SLC13A3: variants seen among roughly 807,000 people sequenced by gnomAD.
SLC13A3 encodes Na(+)/dicarboxylate cotransporter 3.
SLC13A3 carries 40 observed loss-of-function variants against 59.0 expected under a neutral mutation model. That is an observed-to-expected ratio of 0.68 (90% CI 0.53 to 0.88). The LOEUF is 0.88. Ranked by LOEUF, SLC13A3 falls within the 40% of genes least tolerant of loss-of-function variation. The pLI, the probability that SLC13A3 is intolerant of heterozygous loss-of-function variation, is 0.00. For missense variants in SLC13A3, 699 were observed against 783.2 expected, an observed-to-expected ratio of 0.89 and a Z score of 1.28; for synonymous variants, 317 against 330.3, an observed-to-expected ratio of 0.96 and a Z score of 0.44.
At chr20:46,589,301 C>A (rs1157856249) in intron 6 of SLC13A3, 46 bp from the exon 7 acceptor site, 3 of 1,535,220 alleles carry the variant, frequency 2.0e-6, no homozygotes, top group Non-Finnish European at 2.7e-6. Flanking sequence ...GCAGGTATAA[C>A]TAACTTCTCA....
At chr20:46,583,758 G>A (rs1600518234) in intron 8 of SLC13A3, 89 bp from the exon 9 acceptor site, 2 of 1,554,520 alleles carry the variant, frequency 1.3e-6, no homozygotes, top group South Asian at 1.2e-5. Context: ...TTGTGGAAGG[G>A]AATTAGGCCT....
upstream of SLC13A3, among the ~76,000 whole-genome samples, chr20:46,655,796 A>G (rs981683115): frequency 6.9e-6 from 1 of 144,826 alleles, no homozygotes; most frequent in African/African-American, 2.5e-5. Context: ...TTCAGTATAT[A>G]TAATATATAA....
intron 1 of SLC13A3, among the ~76,000 whole-genome samples, chr20:46,616,449 C>T (rs1568939013): frequency 6.6e-6 from 1 of 152,206 alleles, no homozygotes; most frequent in Non-Finnish European, 1.5e-5. Context: ...CACCAAGCCC[C>T]TATCATTTCC....
intron 11 of SLC13A3, among the ~76,000 whole-genome samples, chr20:46,564,435 C>A (rs1307882781): frequency 1.3e-5 from 2 of 152,204 alleles, no homozygotes; most frequent in Non-Finnish European, 2.9e-5. Flanking sequence ...GCTCTAAAAT[C>A]ACCCCCTTGC....
intron 6 of SLC13A3, among the ~76,000 whole-genome samples, chr20:46,590,998 A>T (rs1228036161): frequency 6.9e-6 from 1 of 145,860 alleles, no homozygotes; most frequent in Non-Finnish European, 1.5e-5. Context: ...CTCTCTACCA[A>T]AAAAAAAAAA....
intron 8 of SLC13A3, chr20:46,584,489 C>T: frequency 3.0e-6 from 3 of 985,406 alleles, no homozygotes; most frequent in Non-Finnish European, 3.6e-6. Context: ...TCACTGCTAA[C>T]CAAAGCTCTT....
intron 11 of SLC13A3, among the ~76,000 whole-genome samples, chr20:46,564,713 C>T (rs902220547): frequency 1.3e-5 from 2 of 152,154 alleles, no homozygotes; most frequent in Non-Finnish European, 2.9e-5. Flanking sequence ...TGCTCTTTGA[C>T]CCAGGAATCT....
chr20:46,578,200 G>A (rs2062098170), intron 9 of SLC13A3, among the ~76,000 whole-genome samples: 1 of 151,716 alleles, frequency 6.6e-6, no homozygotes, highest in Non-Finnish European at 1.5e-5. Context: ...AAAGTGCTGG[G>A]ATTACAGGCG....
chr20:46,657,043 C>T (rs1217651884), intron 1 of SLC13A3, among the ~76,000 whole-genome samples: 1 of 152,052 alleles, frequency 6.6e-6, no homozygotes, highest in Non-Finnish European at 1.5e-5. Flanking sequence ...ACATCACTGT[C>T]ATCTTAATAT....
intron 1 of SLC13A3, among the ~76,000 whole-genome samples, chr20:46,620,146 A>G (rs976384149): frequency 1.3e-5 from 2 of 152,214 alleles, no homozygotes; most frequent in Admixed American, 6.5e-5. Flanking sequence ...AAATAAGAAC[A>G]TTTATTGAAT....
upstream of SLC13A3, among the ~76,000 whole-genome samples, chr20:46,652,547 A>ATTTTTTTTTTTT (rs11471373): frequency 1.4e-4 from 17 of 117,790 alleles, no homozygotes; most frequent in African/African-American, 4.3e-4. Flanking sequence ...TATCTGGCTA[A>ATTTTTTTTTTTT]TTTTTTTTTT....
chr20:46,677,182 G>A (rs1161693280), intron 1 of SLC13A3, among the ~76,000 whole-genome samples: 1 of 152,174 alleles, frequency 6.6e-6, no homozygotes, highest in African/African-American at 2.4e-5. Context: ...CCAAAGTGCT[G>A]GCATTACAAG....
intron 1 of SLC13A3, among the ~76,000 whole-genome samples, chr20:46,675,386 C>T (rs928033099): frequency 1.3e-4 from 20 of 148,918 alleles, no homozygotes; most frequent in South Asian, 4.3e-4. Context: ...CATGCTGCCA[C>T]GCCCAGCTAA....
intron 1 of SLC13A3, among the ~76,000 whole-genome samples, chr20:46,634,528 C>A (rs1201034616): frequency 6.6e-6 from 1 of 152,174 alleles, no homozygotes; most frequent in Non-Finnish European, 1.5e-5. Context: ...TGAGCCCCGC[C>A]CCCAACCCCT....
At chr20:46,579,356 C>T (rs981753785) in intron 9 of SLC13A3, among the ~76,000 whole-genome samples, 20 of 152,140 alleles carry the variant, frequency 1.3e-4, no homozygotes, top group African/African-American at 4.8e-4. Context: ...AACTCCTGAC[C>T]TCAAGCAATC....
At position 46,596,259 on chromosome 20, in the gene SLC13A3, C is replaced by T; in HGVS notation, c.692G>A (p.Trp231Ter). ...RKEDEYRRNIWKGFLISIPYS... is the reference protein window; with the variant it reads ...RKEDEYRRNI ...GGGGATGGAGATGAGGAAGCCCTTC[C>T]AGATGTTCCGACGATATTCATCCTC... The change falls in exon 5 of 13, where the codon TGG becomes TAG. Residue 231 changes from tryptophan (W) to a stop codon, truncating the protein, a stop_gained. Transcript: ENST00000279027. LOFTEE classifies it high-confidence loss of function. The T allele has an allele frequency of 6.2e-7, 1 of 1,614,198 alleles. No individual in the cohort carries two copies. Among genetic ancestry groups the T allele is most frequent in the Non-Finnish European group, 8.5e-7 (1 of 1,180,032 alleles).
intron 6 of SLC13A3, among the ~76,000 whole-genome samples, chr20:46,592,147 G>A (rs2062264976): frequency 1.3e-5 from 2 of 152,200 alleles, no homozygotes; most frequent in African/African-American, 4.8e-5. Flanking sequence ...GGGAGATTGA[G>A]GCTGCAATGT....
At chr20:46,564,299 AC>A (rs1248251800) in intron 11 of SLC13A3, among the ~76,000 whole-genome samples, 1 of 152,156 alleles carries the variant, frequency 6.6e-6, no homozygotes, top group East Asian at 1.9e-4. Context: ...CTAGTGGGCC[AC>A]CAGTTTGTCA....
At chr20:46,579,792 A>G (rs1467035889) in intron 9 of SLC13A3, among the ~76,000 whole-genome samples, 1 of 152,242 alleles carries the variant, frequency 6.6e-6, no homozygotes, top group East Asian at 1.9e-4. Context: ...CCACATAAAA[A>G]TCTAGATTTT....
Sources: allele counts gnomAD v4.1 joint callset (sites outside exome capture counted in the v4.1 genomes callset), GRCh38; gene constraint gnomAD v4.1.1; transcripts MANE v1.5; gene names NCBI Gene and HGNC (gene_info 2026-07-23, HGNC 2026-07-21).